MMP16: variants seen among roughly 807,000 people sequenced by gnomAD.
The protein encoded by MMP16 is matrix metallopeptidase 16.
In MMP16, 12 loss-of-function variants were observed where a neutral mutation model predicts 67.8. The observed-to-expected ratio is 0.18, with a 90% confidence interval of 0.11 to 0.29. The LOEUF is 0.29. Ranked by LOEUF, MMP16 falls within the 10% of genes least tolerant of loss-of-function variation. The probability of loss-of-function intolerance (pLI) is 1.00; values close to 1 mark genes in which losing one functional copy is unlikely to be tolerated. For synonymous variants in MMP16, 249 were observed against 255.9 expected, an observed-to-expected ratio of 0.97 and a Z score of 0.26; for missense variants, 475 against 765.7, an observed-to-expected ratio of 0.62 and a Z score of 4.48.
At chr8:88,056,528 G>T (rs1256558714) in intron 7 of MMP16, among the ~76,000 whole-genome samples, 1 of 151,776 alleles carries the variant, frequency 6.6e-6, no homozygotes, top group East Asian at 1.9e-4. Context: ...CAAAATTTGT[G>T]AGTGAATTTA....
At position 88,168,010 on chromosome 8, in the gene MMP16, G is replaced by A. The variant is rs28907594; in HGVS notation, c.405-37C>T. On this transcript the variant is annotated intron_variant, in intron 3 of 9. Coordinates refer to ENST00000286614, the MANE Select transcript of MMP16 (RefSeq NM_005941.5). The stretch of plus-strand genomic sequence containing the variant: ...AAAATATAATCATCAGTATTGTTAT[G>A]TATAAGCTAACTTAGTACAGGTTTT... The A allele has an allele frequency of 3.1e-4, 465 of 1,493,858 alleles. 2 individuals are homozygous for A. The East Asian group carries it at 8.7e-3, about 28-fold the overall frequency. 92.5% of individuals were successfully genotyped at this position (1,493,858 alleles called of 1,614,324 possible).
At chr8:88,063,099 A>C (rs1808421494) in intron 7 of MMP16, among the ~76,000 whole-genome samples, 1 of 152,156 alleles carries the variant, frequency 6.6e-6, no homozygotes. Flanking sequence ...TCAACAAGTT[A>C]GAACTAAAGG....
At chr8:88,248,482 T>C (rs1810155373) in intron 1 of MMP16, among the ~76,000 whole-genome samples, 1 of 152,044 alleles carries the variant, frequency 6.6e-6, no homozygotes, top group African/African-American at 2.4e-5. Context: ...GTTTAAGAGA[T>C]GTAGAGGACA....
Position 88,067,249 on chromosome 8 carries a change from C to T in MMP16, c.1222+7356G>A, listed in dbSNP as rs549257496. Among the ~76,000 whole-genome samples the T allele has an allele frequency of 3.6e-4, 55 of 152,118 alleles. No individual in the cohort carries two copies. The South Asian group carries it at 3.7e-3, about 10-fold the overall frequency. On this transcript the variant is annotated intron_variant, in intron 7 of 9. Transcript: ENST00000286614. ...AGGGTACATTGCACTTGATTATCAA[C>T]GGGCTCAACTAAGAAACTAAAACTG...
intron 1 of MMP16, among the ~76,000 whole-genome samples, chr8:88,276,480 T>C (rs1045646305): frequency 1.3e-5 from 2 of 152,150 alleles, no homozygotes; most frequent in African/African-American, 4.8e-5. Flanking sequence ...TTTGTATTTA[T>C]GCAAATGTTC....
At chr8:88,294,779 A>G (rs754583717) in intron 1 of MMP16, among the ~76,000 whole-genome samples, 3 of 152,104 alleles carry the variant, frequency 2.0e-5, no homozygotes, top group African/African-American at 7.2e-5. Context: ...CAGTGGTGCA[A>G]TCTTGACTAA....
At chr8:88,057,120 A>G (rs1808342353) in intron 7 of MMP16, among the ~76,000 whole-genome samples, 1 of 151,856 alleles carries the variant, frequency 6.6e-6, no homozygotes, top group Admixed American at 6.6e-5. Flanking sequence ...AAAATTTTCC[A>G]CCCTTATCTA....
At position 88,116,500 on chromosome 8, in the gene MMP16, C is replaced by G. The variant is rs778613918; in HGVS notation, c.1083+7G>C. 3 of 1,610,448 alleles carry G rather than the reference C, an allele frequency of 1.9e-6. No individual in the cohort carries two copies. The South Asian group carries it at 3.3e-5, about 18-fold the overall frequency. On this transcript the variant is annotated splice_region_variant and intron_variant, in intron 6 of 9. Transcript: ENST00000286614. ...CTGTTAAAAAAAAAAAAATCACAGT[C>G]TCCTACCTTGAAAACAAACATCTCA...
At chr8:88,153,818 T>G (rs1808455480) in intron 4 of MMP16, among the ~76,000 whole-genome samples, 1 of 151,740 alleles carries the variant, frequency 6.6e-6, no homozygotes, top group Non-Finnish European at 1.5e-5. Context: ...AAGGACTTCA[T>G]GTCCAAAACA....
chr8:88,122,605 TTAG>T (rs1452375411), intron 4 of MMP16, among the ~76,000 whole-genome samples: 1 of 151,980 alleles, frequency 6.6e-6, no homozygotes, highest in Admixed American at 6.6e-5. Flanking sequence ...AAACATGTGA[TTAG>T]TAGAAATTTC....
At chr8:88,255,137 C>A (rs1810282008) in intron 1 of MMP16, among the ~76,000 whole-genome samples, 1 of 152,102 alleles carries the variant, frequency 6.6e-6, no homozygotes, top group South Asian at 2.1e-4. Context: ...ATGTTTGGGT[C>A]ATGGGGATGG....
At chr8:88,159,735 T>A (rs1219196539) in intron 4 of MMP16, among the ~76,000 whole-genome samples, 1 of 152,126 alleles carries the variant, frequency 6.6e-6, no homozygotes, top group African/African-American at 2.4e-5. Flanking sequence ...TTCTTCTAGT[T>A]TTTGCCCATT....
intron 3 of MMP16, among the ~76,000 whole-genome samples, chr8:88,183,271 T>C (rs1308105131): frequency 6.6e-6 from 1 of 152,186 alleles, no homozygotes; most frequent in African/African-American, 2.4e-5. Flanking sequence ...AAGATGTTAA[T>C]AATAGGAGAA....
At chr8:88,324,908 C>T (rs1193527572) in intron 1 of MMP16, among the ~76,000 whole-genome samples, 1 of 151,990 alleles carries the variant, frequency 6.6e-6, no homozygotes. Context: ...GCTTATAAAT[C>T]CAACCAAAAT....
chr8:88,067,674 T>C (rs1808481145), intron 7 of MMP16, among the ~76,000 whole-genome samples: 1 of 152,146 alleles, frequency 6.6e-6, no homozygotes, highest in Admixed American at 6.6e-5. Flanking sequence ...TAATACAGTA[T>C]GTACTCTTGT....
chr8:88,254,841 A>T, intron 1 of MMP16, among the ~76,000 whole-genome samples: 1 of 152,172 alleles, frequency 6.6e-6, no homozygotes, highest in East Asian at 1.9e-4. Flanking sequence ...TAAACTGTGT[A>T]TGTTACTTAA....
At chr8:88,126,346 C>T (rs2337227) in intron 4 of MMP16, among the ~76,000 whole-genome samples, 94,298 of 151,622 alleles carry the variant, frequency 0.62, 30,301 homozygotes, top group African/African-American at 0.79. Context: ...TGAGAAACTA[C>T]ACAACTTCTT....
chr8:88,167,553 T>C (rs1406888842), intron 4 of MMP16, 116 bp downstream of exon 4: 10 of 1,024,560 alleles, frequency 9.8e-6, no homozygotes, highest in Non-Finnish European at 1.4e-5. Context: ...CATATTGCTT[T>C]GGAATTTTAA....
At chr8:88,091,569 ACT>A (rs35281078) in intron 6 of MMP16, among the ~76,000 whole-genome samples, 54 of 131,998 alleles carry the variant, frequency 4.1e-4, no homozygotes, top group East Asian at 3.4e-3. Context: ...AAACACACAC[ACT>A]CACACACACA....
Sources: allele counts gnomAD v4.1 joint callset (sites outside exome capture counted in the v4.1 genomes callset), GRCh38; gene constraint gnomAD v4.1.1; transcripts MANE v1.5; gene names NCBI Gene and HGNC (gene_info 2026-07-23, HGNC 2026-07-21).